Variants in EIPR1 observed in about 807,000 individuals in gnomAD.
EIPR1 encodes EARP complex and GARP complex interacting protein 1.
Under a neutral mutation model 48.1 loss-of-function variants are expected in EIPR1, and 25 were observed. That is an observed-to-expected ratio of 0.52 (90% CI 0.38 to 0.73). The LOEUF is 0.73. Ranked by LOEUF, EIPR1 falls within the 30% of genes least tolerant of loss-of-function variation. The pLI is 0.00. For synonymous variants in EIPR1, 204 were observed against 201.9 expected (o/e 1.01, Z -0.09); for missense variants, 415 against 506.2 (o/e 0.82, Z 1.73).
intron 4 of EIPR1, among the ~76,000 whole-genome samples, chr2:3,255,239 G>A (rs1006252975): frequency 2.0e-5 from 3 of 149,630 alleles, no homozygotes; most frequent in Non-Finnish European, 4.4e-5. Context: ...CTGGAGTGCA[G>A]TAGCCTGATC....
At chr2:3,285,401 C>T (rs1157365380) in intron 3 of EIPR1, among the ~76,000 whole-genome samples, 1 of 151,088 alleles carries the variant, frequency 6.6e-6, no homozygotes, top group South Asian at 2.1e-4. Flanking sequence ...CCAGCTGCAG[C>T]GAGCGAGCAC....
chr2:3,352,551 T>C (rs1670611074), intron 2 of EIPR1, among the ~76,000 whole-genome samples: 1 of 152,240 alleles, frequency 6.6e-6, no homozygotes, highest in Non-Finnish European at 1.5e-5. Flanking sequence ...ACCTTATGGC[T>C]TGATGATCCA....
intron 3 of EIPR1, among the ~76,000 whole-genome samples, chr2:3,311,420 G>A (rs1388405545): frequency 6.6e-6 from 1 of 152,142 alleles, no homozygotes; most frequent in Non-Finnish European, 1.5e-5. Flanking sequence ...TTATGGGGGT[G>A]AGGGGGCAGC....
In EIPR1 at chr2:3,318,779, C is replaced by T. The variant is rs887449340; in HGVS notation, c.259+19238G>A. 11 of 457,356 alleles carry T rather than the reference C, an allele frequency of 2.4e-5. No homozygotes were observed. In the East Asian group the frequency reaches 4.3e-4, roughly 18 times the overall value. The allele number at this position is 457,356 out of a possible 1,614,324, so 28.3% of individuals were successfully genotyped here. A position where few individuals can be genotyped will look rare whatever the true frequency, so the allele number is the denominator to read the frequency against. ...TCTGAAGCCAAAATACATCTGGTGA[C>T]GTGCTACTCCTCGATCGCCACACAT... On this transcript the variant is annotated intron_variant, in intron 3 of 8. Transcript: ENST00000382125.
chr2:3,310,508 C>A (rs1424193346), intron 3 of EIPR1, among the ~76,000 whole-genome samples: 1 of 144,564 alleles, frequency 6.9e-6, no homozygotes, highest in African/African-American at 2.7e-5. Flanking sequence ...AAAAAATTAG[C>A]CGGGCGTAGT....
rs1246072595 is a variant in EIPR1, at chr2:3,303,427, G to A, written c.259+34590C>T. Among the ~76,000 whole-genome samples the A allele has an allele frequency of 8.5e-5, 13 of 152,130 alleles. No homozygotes were observed. In the South Asian group the frequency reaches 1.2e-3, roughly 15 times the overall value. ...CTGCCTTAGGCTGCTGCGTGCCAGG[G>A]ACCGACCACCACCTGGAAGTCACCG... On this transcript the variant is annotated intron_variant, in intron 3 of 8. Transcript: ENST00000382125.
At chr2:3,250,885 A>T (rs2103207767) in intron 4 of EIPR1, among the ~76,000 whole-genome samples, 1 of 152,140 alleles carries the variant, frequency 6.6e-6, no homozygotes, top group Non-Finnish European at 1.5e-5. Flanking sequence ...CCTCACCAAG[A>T]GCAGATGCTG....
intron 3 of EIPR1, among the ~76,000 whole-genome samples, chr2:3,304,847 T>TTCAGCCCTCCACTCCCGCCCAGC (rs1336330201): frequency 1.3e-5 from 2 of 149,202 alleles, no homozygotes; most frequent in Admixed American, 1.3e-4. Context: ...TCCCGTCCAG[T>TTCAGCCCTCCACTCCCGCCCAGC]TCAGCCCTCC....
chr2:3,247,473 C>G (rs1406769479), intron 4 of EIPR1, among the ~76,000 whole-genome samples: 1 of 152,196 alleles, frequency 6.6e-6, no homozygotes, highest in African/African-American at 2.4e-5. Context: ...CACATCCCAA[C>G]TTCACAGCAA....
Position 3,336,844 on chromosome 2 carries a change from AAGG to A in EIPR1, c.259+1170_259+1172del, listed in dbSNP as rs1270741956. Among the ~76,000 whole-genome samples the A allele has an allele frequency of 4.8e-3, 579 of 120,304 alleles. 71 individuals carry two copies. The highest frequency in any genetic ancestry group is 6.4e-3 in the Non-Finnish European group (357 of 56,164). 78.9% of individuals were successfully genotyped at this position (120,304 alleles called of 152,430 possible). On this transcript the variant is annotated intron_variant, in intron 3 of 8. Transcript: ENST00000382125. ...AAGAAAAGGGAAGGGAAGGGAAAGG[AAGG>A]GAAAAGGGAAGGGAAGGGAAAAGGG...
intron 4 of EIPR1, among the ~76,000 whole-genome samples, chr2:3,252,715 C>T (rs778595951): frequency 1.8e-4 from 28 of 152,184 alleles, no homozygotes; most frequent in Non-Finnish European, 2.8e-4. Flanking sequence ...CTAAGTGGGG[C>T]TGGTGATGGG....
In EIPR1 at chr2:3,210,627, C is replaced by CTTTTTTTTTTTTTTTTTTTTT. The variant is rs56963007; in HGVS notation, c.516+3501_516+3521dup. Among the ~76,000 whole-genome samples the CTTTTTTTTTTTTTTTTTTTTT allele has an allele frequency of 1.7e-5, 2 of 118,418 alleles. 1 individual carries two copies. The highest frequency in any genetic ancestry group is 1.9e-4 in the Admixed American group (2 of 10,502). 77.7% of individuals were successfully genotyped at this position (118,418 alleles called of 152,430 possible). On this transcript the variant is annotated intron_variant, in intron 5 of 8. Transcript: ENST00000382125. Reference sequence around the variant, plus strand: ...TCTTCTCACTGTTTACCTCCCAATTCTTTTTTTTTTTTTTTTTTTTTGAGA... The same window carrying CTTTTTTTTTTTTTTTTTTTTT: ...TCTTCTCACTGTTTACCTCCCAATTCTTTTTTTTTTTTTTTTTTTTTTTTTTTTTTTTTTTTTTTTTTGAGA...
At chr2:3,196,359 A>G (rs1664807080) in intron 6 of EIPR1, among the ~76,000 whole-genome samples, 1 of 152,216 alleles carries the variant, frequency 6.6e-6, no homozygotes, top group South Asian at 2.1e-4. Context: ...TCCTTTGCCT[A>G]TCAAAATCAC....
chr2:3,274,021 T>C (rs1158787695), intron 3 of EIPR1, among the ~76,000 whole-genome samples: 2 of 152,104 alleles, frequency 1.3e-5, no homozygotes, highest in Non-Finnish European at 2.9e-5. Flanking sequence ...ACTGTTGAAA[T>C]AGAAGTCTCT....
intron 3 of EIPR1, among the ~76,000 whole-genome samples, chr2:3,285,303 G>A: frequency 6.6e-6 from 1 of 151,626 alleles, no homozygotes; most frequent in African/African-American, 2.4e-5. Flanking sequence ...CCAGGAAACA[G>A]AGCCAACACC....
At chr2:3,300,704 A>G (rs1437172080) in intron 3 of EIPR1, 3 of 152,246 alleles carry the variant, frequency 2.0e-5, no homozygotes, top group African/African-American at 7.2e-5. Context: ...CAATGCACTT[A>G]TTTCTGGATG....
chr2:3,338,448 T>TC (rs1308008048), intron 2 of EIPR1, among the ~76,000 whole-genome samples: 1 of 152,200 alleles, frequency 6.6e-6, no homozygotes, highest in Non-Finnish European at 1.5e-5. Flanking sequence ...CTCAAGTGGC[T>TC]CTTAGACCGA....
intron 3 of EIPR1, among the ~76,000 whole-genome samples, chr2:3,306,839 A>AC (rs1478223740): frequency 6.6e-6 from 1 of 152,170 alleles, no homozygotes; most frequent in Non-Finnish European, 1.5e-5. Flanking sequence ...CCCAGTCCAA[A>AC]CCCATGTTGT....
chr2:3,204,333 G>A (rs886543220), intron 5 of EIPR1, among the ~76,000 whole-genome samples: 31 of 152,372 alleles, frequency 2.0e-4, no homozygotes, highest in African/African-American at 7.2e-4. Context: ...ACTCACAGGT[G>A]CAGAGAAGCC....
Sources: allele counts gnomAD v4.1 joint callset (sites outside exome capture counted in the v4.1 genomes callset), GRCh38; gene constraint gnomAD v4.1.1; transcripts MANE v1.5; gene names NCBI Gene and HGNC (gene_info 2026-07-23, HGNC 2026-07-21).